The following NXPE3 variants were observed in gnomAD, a reference collection of about 807,000 sequenced individuals.
The protein encoded by NXPE3 is NXPE family member 3.
NXPE3 carries 26 observed loss-of-function variants against 46.1 expected under a neutral mutation model. The ratio of observed to expected loss-of-function variants is 0.56; its 90% confidence interval spans 0.41 to 0.78. The LOEUF (loss-of-function observed/expected upper bound fraction) is 0.78, where lower values mean the gene tolerates loss of function less well. Among genes scored for constraint, NXPE3 ranks in the 30% least tolerant of loss-of-function variants. The pLI is 0.00. For missense variants in NXPE3, 620 were observed against 686.0 expected (o/e 0.90, Z 1.07); for synonymous variants, 272 against 257.9 (o/e 1.05, Z -0.52).
Position 101,785,634 on chromosome 3 carries a change from G to C in NXPE3, c.38G>C (p.Cys13Ser), listed in dbSNP as rs1322984165. 2 of 1,614,080 alleles carry C rather than the reference G, an allele frequency of 1.2e-6. No homozygotes were observed. The highest frequency in any genetic ancestry group is 3.3e-5 in the Admixed American group (2 of 60,022). Residue 13 changes from cysteine (C) to serine (S), a missense_variant, in exon 4 of 8, where the codon TGT becomes TCT. By Grantham distance (112) the Cys-to-Ser change is moderately radical (BLOSUM62 -1). Transcript: ENST00000273347. ...TTCTTCAAACTACGGCTTTTCTGCT[G>C]TCTGCTTGCAGTGTTGATGGTGGTG... ...TNFFKLRLFCCLLAVLMVVVL... is the reference protein window; with the variant it reads ...TNFFKLRLFCSLLAVLMVVVL...
intron 5 of NXPE3, among the ~76,000 whole-genome samples, chr3:101,805,649 A>G (rs1159925858): frequency 6.6e-6 from 1 of 152,088 alleles, no homozygotes; most frequent in Non-Finnish European, 1.5e-5. Context: ...CATGTTGGCC[A>G]GGCTGGTCTC....
At position 101,821,569 on chromosome 3, in the gene NXPE3, T is replaced by A; in HGVS notation, c.1295T>A (p.Ile432Asn). The change falls in exon 8 of 8, where the codon ATT becomes AAT. Residue 432 changes from isoleucine to asparagine, a missense_variant. Transcript: ENST00000273347. ...LHYVANELNG[I>N]VGGKNTVVAI... ...TATGTGGCGAATGAGCTGAATGGCA[T>A]TGTGGGAGGGAAGAACACAGTGGTT... The A allele has an allele frequency of 1.2e-6, 2 of 1,614,152 alleles. No individual in the cohort carries two copies. The highest frequency in any genetic ancestry group is 1.7e-6 in the Non-Finnish European group (2 of 1,180,024).
intron 3 of NXPE3, 80 bp from the exon 4 acceptor site, chr3:101,785,322 G>A (rs1940090684): frequency 2.7e-6 from 1 of 368,536 alleles, no homozygotes; most frequent in South Asian, 2.8e-5. Flanking sequence ...GGTTAAGGAA[G>A]AGGAAATGTG....
At chr3:101,801,133 G>A (rs1941117606) in intron 4 of NXPE3, 102 bp from the exon 5 acceptor site, 2 of 1,231,286 alleles carry the variant, frequency 1.6e-6, no homozygotes, top group African/African-American at 3.0e-5. Flanking sequence ...TTGAGCTCCT[G>A]GAGCTAAAAC....
At chr3:101,806,402 T>C (rs1576762391) in intron 5 of NXPE3, among the ~76,000 whole-genome samples, 1 of 152,160 alleles carries the variant, frequency 6.6e-6, no homozygotes, top group Non-Finnish European at 1.5e-5. Flanking sequence ...TCCAAAAATA[T>C]TTACTGAGTG....
intron 6 of NXPE3, among the ~76,000 whole-genome samples, chr3:101,812,811 C>CAAAAAAAAA (rs57029374): frequency 1.0e-4 from 6 of 58,708 alleles, no homozygotes; most frequent in African/African-American, 1.3e-4. Context: ...GACTCCGTCT[C>CAAAAAAAAA]AAAAAAAAAA....
chr3:101,800,459 G>A (rs1325943753), intron 4 of NXPE3, among the ~76,000 whole-genome samples: 4 of 152,116 alleles, frequency 2.6e-5, no homozygotes, highest in Non-Finnish European at 5.9e-5. Context: ...AATGTGGTCC[G>A]TTTTGGTGAA....
chr3:101,803,585 A>G (rs533121992), intron 5 of NXPE3, among the ~76,000 whole-genome samples: 1 of 152,334 alleles, frequency 6.6e-6, no homozygotes, highest in Non-Finnish European at 1.5e-5. Context: ...TTGCCTATAT[A>G]TGAAGACTAC....
At chr3:101,779,699 C>A (rs920204800) in intron 1 of NXPE3, 1 of 152,544 alleles carries the variant, frequency 6.6e-6, no homozygotes, top group Admixed American at 6.5e-5. Flanking sequence ...ACAGTTCGGA[C>A]CTCCACGCCG....
chr3:101,787,075 C>T (rs1940229680), intron 4 of NXPE3, among the ~76,000 whole-genome samples: 1 of 151,830 alleles, frequency 6.6e-6, no homozygotes, highest in Non-Finnish European at 1.5e-5. Context: ...ATCACTTGTA[C>T]CTGGGAGGCA....
chr3:101,784,647 G>A (rs1297278702), intron 3 of NXPE3, among the ~76,000 whole-genome samples: 1 of 152,168 alleles, frequency 6.6e-6, no homozygotes, highest in Non-Finnish European at 1.5e-5. Context: ...TATCAAAATG[G>A]CAAGTGGAAA....
At chr3:101,798,111 G>A (rs1940938331) in intron 4 of NXPE3, among the ~76,000 whole-genome samples, 1 of 147,010 alleles carries the variant, frequency 6.8e-6, no homozygotes, top group African/African-American at 2.5e-5. Flanking sequence ...TTTAATGATT[G>A]CCATTCTAAC....
At chr3:101,803,008 A>C (rs1941239957) in intron 5 of NXPE3, among the ~76,000 whole-genome samples, 1 of 152,184 alleles carries the variant, frequency 6.6e-6, no homozygotes, top group Non-Finnish European at 1.5e-5. Context: ...CAATTGCACT[A>C]CAGCCTGGAC....
intron 6 of NXPE3, among the ~76,000 whole-genome samples, chr3:101,816,173 T>G (rs529259713): frequency 6.6e-6 from 1 of 152,168 alleles, no homozygotes; most frequent in Non-Finnish European, 1.5e-5. Context: ...TCAAAAAAAA[T>G]GTAAGCAGAG....
intron 6 of NXPE3, among the ~76,000 whole-genome samples, chr3:101,813,731 T>C (rs1036743191): frequency 6.6e-5 from 10 of 152,346 alleles, no homozygotes; most frequent in African/African-American, 2.4e-4. Flanking sequence ...TTTGTTTTAA[T>C]TATTTTTATT....
rs912268702 is a variant in NXPE3, at chr3:101,825,699, C to T, written c.*3745C>T. 2 of 152,138 alleles carry T rather than the reference C, an allele frequency of 1.3e-5. No homozygotes were observed. The highest frequency in any genetic ancestry group is 2.9e-5 in the Non-Finnish European group (2 of 68,014). 9.4% of individuals were successfully genotyped at this position (152,138 alleles called of 1,614,324 possible). On this transcript the variant is annotated 3_prime_UTR_variant, in exon 8 of 8. Coordinates refer to ENST00000273347, the MANE Select transcript of NXPE3 (RefSeq NM_145037.4). Reference sequence around the variant, plus strand: ...TATAAAGATCTGCTTAATAGTTCTGCTACTGCAGTTTTCATTATTAGATAA... The same window carrying T: ...TATAAAGATCTGCTTAATAGTTCTGTTACTGCAGTTTTCATTATTAGATAA...
Position 101,801,963 on chromosome 3 carries a change from C to G in NXPE3, c.822C>G (p.Thr274=), listed in dbSNP as rs201844634. 9 of 1,610,508 alleles carry G rather than the reference C, an allele frequency of 5.6e-6. No individual in the cohort carries two copies. Among genetic ancestry groups the G allele is most frequent in the Non-Finnish European group, 7.6e-6 (9 of 1,179,322 alleles). Residue 274 remains threonine (T), a synonymous_variant, in exon 5 of 8, where the codon ACC becomes ACG. Coordinates refer to ENST00000273347, the MANE Select transcript of NXPE3 (RefSeq NM_145037.4). ...GTGGATACCTGAAAGGTCTCCTAAC[C>G]GCTGCAGAGAGTGCTTTCTTCCAGA... ...FKGGYLKGLL[T]AAESAFFQSG...
chr3:101,792,188 A>G (rs775411425), intron 4 of NXPE3, among the ~76,000 whole-genome samples: 3 of 152,204 alleles, frequency 2.0e-5, no homozygotes, highest in Admixed American at 6.5e-5. Context: ...ATAGTTTGCA[A>G]ATATTTTCTA....
At chr3:101,812,737 G>A (rs925625106) in intron 6 of NXPE3, among the ~76,000 whole-genome samples, 14 of 144,432 alleles carry the variant, frequency 9.7e-5, no homozygotes, top group African/African-American at 2.8e-4. Context: ...GCGTGAACCC[G>A]GGAGGCGGAG....
Sources: allele counts gnomAD v4.1 joint callset (sites outside exome capture counted in the v4.1 genomes callset), GRCh38; gene constraint gnomAD v4.1.1; transcripts MANE v1.5; gene names NCBI Gene and HGNC (gene_info 2026-07-23, HGNC 2026-07-21).